APAF1: variants seen among roughly 807,000 people sequenced by gnomAD.
APAF1 encodes apoptotic peptidase activating factor 1.
APAF1 carries 91 observed loss-of-function variants against 152.4 expected under a neutral mutation model. The ratio of observed to expected loss-of-function variants is 0.60; its 90% CI spans 0.50 to 0.71. The LOEUF is 0.71. Ranked by LOEUF, APAF1 falls within the 30% of genes least tolerant of loss-of-function variation. APAF1 has a pLI of 0.00. For synonymous variants in APAF1, 484 were observed against 494.1 expected, an observed-to-expected ratio of 0.98 and a Z score of 0.27; for missense variants, 1,283 against 1,472.0, an observed-to-expected ratio of 0.87 and a Z score of 2.10.
At chr12:98,651,296 A>G (rs1227083434) in intron 4 of APAF1, among the ~76,000 whole-genome samples, 1 of 152,092 alleles carries the variant, frequency 6.6e-6, no homozygotes, top group Non-Finnish European at 1.5e-5. Flanking sequence ...TCCCCTCTCC[A>G]TGGACAATCC....
intron 21 of APAF1, 45 bp from the exon 22 acceptor site, chr12:98,715,382 A>T (rs778819519): frequency 5.0e-6 from 8 of 1,594,646 alleles, no homozygotes; most frequent in African/African-American, 2.7e-5. Context: ...ATGCCTATGT[A>T]TTGCTTAGTT....
In APAF1 at chr12:98,706,581, T is replaced by G. The variant is rs199525775; in HGVS notation, c.2692T>G (p.Leu898Val). 1.2e-6 allele frequency: 2 copies of G among 1,614,076 alleles called. No individual in the cohort carries two copies. Among genetic ancestry groups the G allele is most frequent in the African/African-American group, 2.7e-5 (2 of 75,056 alleles). The change falls in exon 19 of 27, where the codon TTG becomes GTG. Residue 898 changes from leucine (L) to valine (V), a missense_variant. Leu to Val is a conservative substitution (Grantham distance 32). Transcript: ENST00000551964. ...GTTTTCTCCTGATGGATCATCATTT[T>G]TGACATCTTCTGATGACCAGACAAT... ...VMFSPDGSSF[L>V]TSSDDQTIRL...
At chr12:98,682,052 G>GTTT (rs923577593) in intron 14 of APAF1, among the ~76,000 whole-genome samples, 45 of 123,876 alleles carry the variant, frequency 3.6e-4, no homozygotes, top group Non-Finnish European at 5.0e-4. Context: ...TAATTTTTTT[G>GTTT]TTTTTTTTTT....
chr12:98,699,352 G>A, intron 16 of APAF1, 56 bp from the exon 17 acceptor site: 1 of 1,540,682 alleles, frequency 6.5e-7, no homozygotes, highest in Non-Finnish European at 8.9e-7. Flanking sequence ...AAAAATTCTA[G>A]AAGTGTGATT....
chr12:98,712,835 T>G, intron 21 of APAF1: 1 of 209,694 alleles, frequency 4.8e-6, no homozygotes, highest in Non-Finnish European at 9.7e-6. Context: ...CTTTTTTTTT[T>G]GAATCAGGAT....
chr12:98,682,123 G>A (rs1441840231), intron 14 of APAF1, among the ~76,000 whole-genome samples: 1 of 144,320 alleles, frequency 6.9e-6, no homozygotes, highest in Non-Finnish European at 1.5e-5. Context: ...GCGCTATCTC[G>A]GCTCACTGCA....
chr12:98,703,685 A>G (rs1312266606), intron 18 of APAF1, among the ~76,000 whole-genome samples, 186 bp downstream of exon 18: 3 of 152,248 alleles, frequency 2.0e-5, no homozygotes, highest in Admixed American at 2.0e-4. Flanking sequence ...TTATTTTAAC[A>G]GTGATTGCAG....
rs185017421 is a variant in APAF1, at chr12:98,663,293, T to C, written c.955+487T>C. ...TCACTTTTCTTTTTTGATATAAGTA[T>C]TTTTAATTTATTTCTAAATACTCAA... On this transcript the variant is annotated intron_variant, in intron 7 of 26. Transcript: ENST00000551964. Among the ~76,000 whole-genome samples, 464 of 152,360 alleles carry C rather than the reference T, an allele frequency of 3.0e-3. 3 individuals carry two copies. Among genetic ancestry groups the C allele is most frequent in the African/African-American group, 0.011 (439 of 41,592 alleles).
chr12:98,728,297 T>C (rs1265896287), intron 26 of APAF1, among the ~76,000 whole-genome samples: 3 of 152,248 alleles, frequency 2.0e-5, no homozygotes, highest in Non-Finnish European at 4.4e-5. Flanking sequence ...AGCAGCAGTA[T>C]ATGGCTTTAT....
chr12:98,659,502 A>G (rs2097662067), intron 5 of APAF1, among the ~76,000 whole-genome samples, 159 bp downstream of exon 5: 1 of 152,198 alleles, frequency 6.6e-6, no homozygotes, highest in Non-Finnish European at 1.5e-5. Flanking sequence ...CTGTAATCCC[A>G]GCACTTTGGG....
At chr12:98,667,713 T>C (rs1028849575) in intron 10 of APAF1, 69 bp downstream of exon 10, 76 of 1,454,934 alleles carry the variant, frequency 5.2e-5, no homozygotes, top group Non-Finnish European at 6.4e-5. Context: ...AAATAAGTGC[T>C]TTTTTTCTGT....
At chr12:98,700,616 T>C (rs2153334712) in intron 17 of APAF1, among the ~76,000 whole-genome samples, 1 of 152,346 alleles carries the variant, frequency 6.6e-6, no homozygotes, top group South Asian at 2.1e-4. Context: ...TGTGATAAAA[T>C]GCATATAATG....
chr12:98,677,610 A>C, intron 13 of APAF1, 59 bp downstream of exon 13: 6 of 1,608,024 alleles, frequency 3.7e-6, no homozygotes, highest in Non-Finnish European at 5.1e-6. Flanking sequence ...TGTGCAGATC[A>C]GAATATGTTT....
At chr12:98,714,652 C>A (rs2097731855) in intron 21 of APAF1, among the ~76,000 whole-genome samples, 1 of 152,186 alleles carries the variant, frequency 6.6e-6, no homozygotes, top group Non-Finnish European at 1.5e-5. Context: ...TTTCCATTCA[C>A]ACAATTCCCC....
intron 19 of APAF1, among the ~76,000 whole-genome samples, chr12:98,707,709 T>TATATATATATATATATATATATATATAC (rs899955094): frequency 1.9e-4 from 28 of 149,780 alleles, no homozygotes; most frequent in South Asian, 4.2e-4. Context: ...TATATATATA[T>TATATATATATATATATATATATATATAC]ATACATATAA....
At chr12:98,692,570 A>T (rs2097705508) in intron 16 of APAF1, among the ~76,000 whole-genome samples, 1 of 152,046 alleles carries the variant, frequency 6.6e-6, no homozygotes, top group Non-Finnish European at 1.5e-5. Context: ...AGTAGTCCCC[A>T]GCATTTATTG....
chr12:98,695,463 C>G (rs1184861938), intron 16 of APAF1, among the ~76,000 whole-genome samples: 2 of 151,860 alleles, frequency 1.3e-5, no homozygotes, highest in East Asian at 3.9e-4. Context: ...CTCCTAGGCT[C>G]AAGTGATCCT....
chr12:98,707,472 G>A (rs1467639382), intron 19 of APAF1, among the ~76,000 whole-genome samples: 1 of 151,902 alleles, frequency 6.6e-6, no homozygotes, highest in African/African-American at 2.4e-5. Flanking sequence ...ATTTTCTAGT[G>A]GTGCTTATCA....
At chr12:98,654,271 G>C (rs917818077) in intron 4 of APAF1, among the ~76,000 whole-genome samples, 4 of 152,072 alleles carry the variant, frequency 2.6e-5, no homozygotes, top group Non-Finnish European at 4.4e-5. Flanking sequence ...GTATTTAAAT[G>C]CCCTAAATTT....
Sources: allele counts gnomAD v4.1 joint callset (sites outside exome capture counted in the v4.1 genomes callset), GRCh38; gene constraint gnomAD v4.1.1; transcripts MANE v1.5; gene names NCBI Gene and HGNC (gene_info 2026-07-23, HGNC 2026-07-21).